Variants in NTM observed in about 807,000 individuals in gnomAD.
NTM encodes IgLON family member 2.
A neutral mutation model predicts 42.1 loss-of-function variants in NTM; 13 were observed. The observed-to-expected ratio is 0.31, with a 90% CI of 0.20 to 0.49. The LOEUF is 0.49. Ranked by LOEUF, NTM falls within the 20% of genes least tolerant of loss-of-function variation. The pLI, the probability that NTM is intolerant of heterozygous loss-of-function variation, is 0.99. For synonymous variants in NTM, 187 were observed against 179.2 expected (o/e 1.04, Z -0.35); for missense variants, 373 against 452.8 (o/e 0.82, Z 1.60).
chr11:131,911,383 G>T, intron 1 of NTM, 181 bp from the exon 2 acceptor site: 1 of 1,578,048 alleles, frequency 6.3e-7, no homozygotes, highest in East Asian at 2.3e-5. Flanking sequence ...TCACCGCTCA[G>T]TCCCCGCGCT....
chr11:131,755,537 A>G (rs562099616), intron 1 of NTM, among the ~76,000 whole-genome samples: 2 of 152,214 alleles, frequency 1.3e-5, no homozygotes, highest in South Asian at 4.1e-4. Flanking sequence ...GTCCCATGCA[A>G]TATTTGGGAC....
chr11:131,997,568 G>A (rs2068305124), intron 2 of NTM, among the ~76,000 whole-genome samples: 1 of 152,176 alleles, frequency 6.6e-6, no homozygotes, highest in African/African-American at 2.4e-5. Flanking sequence ...GGATAAAAAG[G>A]TGTTCACACC....
chr11:131,421,593 G>A (rs1018758027), intron 1 of NTM, among the ~76,000 whole-genome samples: 1 of 152,184 alleles, frequency 6.6e-6, no homozygotes, highest in Non-Finnish European at 1.5e-5. Flanking sequence ...TTCCCTAAGG[G>A]CCCATGGAGG....
At chr11:131,712,729 G>T (rs1475988163) in intron 1 of NTM, among the ~76,000 whole-genome samples, 1 of 151,916 alleles carries the variant, frequency 6.6e-6, no homozygotes, top group African/African-American at 2.4e-5. Context: ...GACTACAGAT[G>T]CATGCCACCA....
At chr11:132,251,475 A>C (rs1193085024) in intron 4 of NTM, among the ~76,000 whole-genome samples, 1 of 152,218 alleles carries the variant, frequency 6.6e-6, no homozygotes, top group African/African-American at 2.4e-5. Flanking sequence ...CCTAATCTGC[A>C]GTACCTGTTT....
chr11:131,469,333 T>C (rs1195849728), intron 1 of NTM, among the ~76,000 whole-genome samples: 1 of 152,224 alleles, frequency 6.6e-6, no homozygotes, highest in Non-Finnish European at 1.5e-5. Flanking sequence ...AGGATACATA[T>C]ATTATCTCAT....
At chr11:131,871,965 G>A (rs1267152794) in intron 1 of NTM, among the ~76,000 whole-genome samples, 8 of 152,144 alleles carry the variant, frequency 5.3e-5, no homozygotes, top group African/African-American at 1.9e-4. Context: ...ATCTTCAAGG[G>A]ATTTCCAAGC....
At chr11:131,400,979 CCACA>C (rs56256717) in intron 1 of NTM, among the ~76,000 whole-genome samples, 4,482 of 141,568 alleles carry the variant, frequency 0.032, 176 homozygotes, top group African/African-American at 0.095. Flanking sequence ...CTGCCACCTG[CCACA>C]CACACACACA....
At chr11:131,784,141 T>G (rs1031000322) in intron 1 of NTM, among the ~76,000 whole-genome samples, 2 of 151,914 alleles carry the variant, frequency 1.3e-5, no homozygotes, top group African/African-American at 4.8e-5. Context: ...AAAAAGAAAG[T>G]GTTAAGGAGG....
At chr11:131,618,679 T>C (rs1424689279) in intron 1 of NTM, among the ~76,000 whole-genome samples, 1 of 152,220 alleles carries the variant, frequency 6.6e-6, no homozygotes, top group Non-Finnish European at 1.5e-5. Context: ...AAATGCTAGT[T>C]ACACACGTTC....
intron 5 of NTM, 23 bp downstream of exon 5, chr11:132,307,846 G>C: frequency 6.2e-7 from 1 of 1,610,714 alleles, no homozygotes; most frequent in Non-Finnish European, 8.5e-7. Context: ...ACCACCACGC[G>C]CCCTGCACGT....
At chr11:131,976,615 G>A (rs948131582) in intron 2 of NTM, among the ~76,000 whole-genome samples, 2 of 152,078 alleles carry the variant, frequency 1.3e-5, no homozygotes, top group Non-Finnish European at 2.9e-5. Flanking sequence ...CCCCAGTTCA[G>A]TCATAACTGA....
intron 4 of NTM, among the ~76,000 whole-genome samples, chr11:132,283,379 A>G (rs577296291): frequency 2.6e-5 from 4 of 152,300 alleles, no homozygotes; most frequent in African/African-American, 9.6e-5. Flanking sequence ...TACTTTAGCC[A>G]GCCCAATAGT....
chr11:132,023,237 C>T (rs527889266), intron 2 of NTM, among the ~76,000 whole-genome samples: 90 of 152,286 alleles, frequency 5.9e-4, no homozygotes, highest in African/African-American at 1.8e-3. Context: ...CACATGCCAT[C>T]GTGGAGCCTG....
chr11:131,772,597 G>A (rs1342940557), intron 1 of NTM, among the ~76,000 whole-genome samples: 2 of 152,160 alleles, frequency 1.3e-5, no homozygotes, highest in Admixed American at 6.5e-5. Flanking sequence ...GCCAGAGGGA[G>A]CTTGAAAGCA....
chr11:131,840,323 C>T (rs1019025052), intron 1 of NTM, among the ~76,000 whole-genome samples: 1 of 152,100 alleles, frequency 6.6e-6, no homozygotes, highest in Non-Finnish European at 1.5e-5. Flanking sequence ...GGACACTGTA[C>T]AGGAAAATCC....
At chr11:131,483,915 G>T (rs1230755659) in intron 1 of NTM, among the ~76,000 whole-genome samples, 2 of 152,216 alleles carry the variant, frequency 1.3e-5, no homozygotes, top group African/African-American at 2.4e-5. Context: ...ACCTGCAAGA[G>T]AATTCATGCC....
chr11:131,413,999 C>T (rs1329196722), intron 1 of NTM, among the ~76,000 whole-genome samples: 1 of 152,090 alleles, frequency 6.6e-6, no homozygotes, highest in African/African-American at 2.4e-5. Context: ...CCAGCTTGAC[C>T]CTAACTAGCT....
At chr11:131,998,165 A>G (rs1199728406) in intron 2 of NTM, among the ~76,000 whole-genome samples, 1 of 152,160 alleles carries the variant, frequency 6.6e-6, no homozygotes, top group East Asian at 1.9e-4. Context: ...AAGTCCTGAC[A>G]GGAGTCATAA....
Sources: gnomAD v4.1 joint callset for allele counts (sites outside exome capture counted in the v4.1 genomes callset) on GRCh38, gnomAD v4.1.1 for gene constraint, MANE v1.5 for transcripts, NCBI Gene and HGNC (gene_info 2026-07-23, HGNC 2026-07-21) for gene names.